Variants in LNX2 observed in about 807,000 individuals in gnomAD.
The protein encoded by LNX2 is ligand of numb-protein X 2, also known as ligand of Numb protein X 2.
In LNX2, 35 loss-of-function variants were observed where a neutral mutation model predicts 66.2. That is an observed-to-expected ratio of 0.53 (90% CI 0.40 to 0.70). The LOEUF is 0.70. LNX2 is among the 30% of genes least tolerant of loss of function. The pLI is 0.00. For synonymous variants in LNX2, 337 were observed against 315.6 expected (o/e 1.07, Z -0.72); for missense variants, 791 against 850.8 (o/e 0.93, Z 0.87).
At chr13:27,581,097 C>G (rs891379700) in intron 2 of LNX2, among the ~76,000 whole-genome samples, 200 bp downstream of exon 2, 1 of 152,208 alleles carries the variant, frequency 6.6e-6, no homozygotes, top group Non-Finnish European at 1.5e-5. Context: ...TACTTCCTCA[C>G]TGTAGTTTTT....
At position 27,573,324 on chromosome 13, in the gene LNX2, CT is replaced by C. The variant is rs531159831; in HGVS notation, c.408-4049del. Among the ~76,000 whole-genome samples, 34 of 151,786 alleles carry C rather than the reference CT, an allele frequency of 2.2e-4. 1 individual carries two copies. Among genetic ancestry groups the C allele is most frequent in the Non-Finnish European group, 3.7e-4 (25 of 67,948 alleles). On this transcript the variant is annotated intron_variant, in intron 2 of 9. Transcript: ENST00000316334. ...CTCTTGTGTGCTTGTCTTTTTTCTT[CT>C]TTTTTTTCCCCCTATACTTGTTTCC...
At chr13:27,589,648 G>C (rs1442679992) in intron 1 of LNX2, among the ~76,000 whole-genome samples, 1 of 151,934 alleles carries the variant, frequency 6.6e-6, no homozygotes, top group African/African-American at 2.4e-5. Context: ...AAGTGATCAA[G>C]GCAAAAACCA....
rs756122841 is a variant in LNX2, at chr13:27,569,213, T to C, written c.471A>G (p.Ala157=). 15 of 1,613,436 alleles carry C rather than the reference T, an allele frequency of 9.3e-6. No homozygotes were observed. Among genetic ancestry groups the C allele is most frequent in the Non-Finnish European group, 3.4e-6 (4 of 1,179,708 alleles). Residue 157 remains alanine (A), a synonymous_variant, in exon 3 of 10, where the codon GCA becomes GCG. Transcript: ENST00000316334. ...TGGGCCCATTTTCATTCTCAATCTC[T>C]GCTTGAGTTCTACTAGTTTTCCTTC... ...LERRKTSRTQ[A]EIENENGPTL...
At chr13:27,573,597 G>C (rs971149449) in intron 2 of LNX2, among the ~76,000 whole-genome samples, 9 of 152,064 alleles carry the variant, frequency 5.9e-5, no homozygotes, top group African/African-American at 2.2e-4. Flanking sequence ...GGCTAAGGTG[G>C]AGCTGTCAGT....
chr13:27,602,537 G>GTATATA (rs34094717), intron 1 of LNX2, among the ~76,000 whole-genome samples: 33 of 151,426 alleles, frequency 2.2e-4, no homozygotes, highest in Non-Finnish European at 3.4e-4. Context: ...CTATGCTGTG[G>GTATATA]TATATATCAG....
rs1955100954 is a variant in LNX2 at position 27,559,389 on chromosome 13, T to C, written c.1368+453A>G. Among the ~76,000 whole-genome samples, 4 of 152,222 alleles carry C rather than the reference T, an allele frequency of 2.6e-5. No homozygotes were observed. The South Asian group carries it at 8.3e-4, about 31-fold the overall frequency. ...TGTACCTATCAAAATTCATGATTCA[T>C]ATGTTTAATCTTCATGTATCTAATT... On this transcript the variant is annotated intron_variant, in intron 6 of 9. Transcript: ENST00000316334.
intron 1 of LNX2, among the ~76,000 whole-genome samples, chr13:27,602,178 A>G (rs1307886644): frequency 6.6e-6 from 1 of 152,150 alleles, no homozygotes; most frequent in Non-Finnish European, 1.5e-5. Flanking sequence ...CCAGCACTCA[A>G]GCAATCATCC....
At chr13:27,597,191 CAAT>C (rs1179579594) in intron 1 of LNX2, among the ~76,000 whole-genome samples, 1 of 152,088 alleles carries the variant, frequency 6.6e-6, no homozygotes, top group Middle Eastern at 3.2e-3. Context: ...CCTAATTTCA[CAAT>C]AAAAACGGCA....
chr13:27,599,611 A>T (rs1955635081), intron 1 of LNX2, among the ~76,000 whole-genome samples: 1 of 152,242 alleles, frequency 6.6e-6, no homozygotes, highest in South Asian at 2.1e-4. Flanking sequence ...TTACAAAGCT[A>T]TAATTAGGAA....
intron 2 of LNX2, among the ~76,000 whole-genome samples, chr13:27,579,068 C>A (rs1955371727): frequency 6.6e-6 from 1 of 152,202 alleles, no homozygotes. Context: ...AAGGAATCTA[C>A]AACCCGGCAT....
intron 6 of LNX2, 127 bp from the exon 7 acceptor site, chr13:27,556,540 C>A: frequency 1.3e-6 from 1 of 797,972 alleles, no homozygotes; most frequent in Non-Finnish European, 2.0e-6. Context: ...TCCTTAATTG[C>A]AAATGAAAGT....
chr13:27,598,409 C>A (rs538532628), intron 1 of LNX2, among the ~76,000 whole-genome samples: 6 of 152,190 alleles, frequency 3.9e-5, no homozygotes, highest in African/African-American at 1.4e-4. Flanking sequence ...AGACCGATGT[C>A]ACAAAATCAT....
At chr13:27,548,836 T>A (rs531061520) in intron 9 of LNX2, among the ~76,000 whole-genome samples, 6 of 152,304 alleles carry the variant, frequency 3.9e-5, no homozygotes, top group African/African-American at 1.4e-4. Flanking sequence ...TTCTTAGAGC[T>A]CATACATCTG....
chr13:27,616,246 T>G (rs2138493349), intron 1 of LNX2, among the ~76,000 whole-genome samples: 1 of 152,180 alleles, frequency 6.6e-6, no homozygotes, highest in Non-Finnish European at 1.5e-5. Flanking sequence ...ATTTTCTGGT[T>G]GACAGTCGGT....
intron 6 of LNX2, among the ~76,000 whole-genome samples, chr13:27,557,465 A>G (rs1239934067): frequency 6.6e-6 from 1 of 152,084 alleles, no homozygotes; most frequent in African/African-American, 2.4e-5. Context: ...ATATGCACCT[A>G]CACAAGAACT....
chr13:27,590,106 C>A (rs1955531571), intron 1 of LNX2, among the ~76,000 whole-genome samples: 1 of 152,004 alleles, frequency 6.6e-6, no homozygotes, highest in Non-Finnish European at 1.5e-5. Context: ...CCCACCACCA[C>A]CCCCGGCTAA....
chr13:27,562,287 C>A, intron 5 of LNX2, 126 bp downstream of exon 5: 1 of 1,189,392 alleles, frequency 8.4e-7, no homozygotes. Flanking sequence ...ATTCAGGTAG[C>A]CACACCCGAT....
At chr13:27,589,705 A>T (rs1402441737) in intron 1 of LNX2, among the ~76,000 whole-genome samples, 2 of 152,250 alleles carry the variant, frequency 1.3e-5, no homozygotes, top group African/African-American at 4.8e-5. Context: ...GTTATACTAA[A>T]GTTATACTTT....
chr13:27,570,518 C>T (rs890692444), intron 2 of LNX2, among the ~76,000 whole-genome samples: 1 of 152,130 alleles, frequency 6.6e-6, no homozygotes, highest in Non-Finnish European at 1.5e-5. Flanking sequence ...TTGCTCTACA[C>T]CTTGTTAAGA....
Sources: gnomAD v4.1 joint callset for allele counts (sites outside exome capture counted in the v4.1 genomes callset) on GRCh38, gnomAD v4.1.1 for gene constraint, MANE v1.5 for transcripts, NCBI Gene and HGNC (gene_info 2026-07-23, HGNC 2026-07-21) for gene names.